TMCC1: variants seen among roughly 807,000 people sequenced by gnomAD.
TMCC1 encodes transmembrane and coiled-coil domains protein 1.
In TMCC1, 15 loss-of-function variants were observed where a neutral mutation model predicts 52.4. The ratio of observed to expected loss-of-function variants is 0.29; its 90% CI spans 0.19 to 0.44. TMCC1 has a LOEUF of 0.44. TMCC1 is among the 20% of genes least tolerant of loss of function. The probability of loss-of-function intolerance (pLI) is 1.00; values close to 1 mark genes in which losing one functional copy is unlikely to be tolerated. For missense variants in TMCC1, 503 were observed against 806.0 expected (o/e 0.62, Z 4.55); for synonymous variants, 279 against 301.9 (o/e 0.92, Z 0.79).
intron 4 of TMCC1, among the ~76,000 whole-genome samples, chr3:129,700,372 T>C (rs1272457710): frequency 6.6e-6 from 1 of 152,258 alleles, no homozygotes; most frequent in Non-Finnish European, 1.5e-5. Context: ...AACCTAATAC[T>C]AGTCATCTTT....
intron 4 of TMCC1, among the ~76,000 whole-genome samples, chr3:129,775,253 TG>T (rs1260653306): frequency 6.6e-6 from 1 of 152,124 alleles, no homozygotes; most frequent in African/African-American, 2.4e-5. Flanking sequence ...GAGACCTGCC[TG>T]GGCAACAAAG....
chr3:129,659,043 T>C (rs1056772048), intron 5 of TMCC1, among the ~76,000 whole-genome samples: 2 of 152,046 alleles, frequency 1.3e-5, no homozygotes, highest in Middle Eastern at 3.4e-3. Flanking sequence ...TTCTAACACC[T>C]AGAGTTTGAT....
chr3:129,834,518 A>T (rs1414447907), intron 2 of TMCC1, among the ~76,000 whole-genome samples: 1 of 152,216 alleles, frequency 6.6e-6, no homozygotes, highest in Non-Finnish European at 1.5e-5. Context: ...TACTGACTAA[A>T]ATTTTGACTT....
chr3:129,730,645 C>T (rs910125137), intron 4 of TMCC1, among the ~76,000 whole-genome samples: 1 of 152,058 alleles, frequency 6.6e-6, no homozygotes. Flanking sequence ...AGTTCTTTTG[C>T]CTTTCGATAT....
chr3:129,814,784 G>A (rs1460767788), intron 4 of TMCC1, among the ~76,000 whole-genome samples: 2 of 152,020 alleles, frequency 1.3e-5, no homozygotes, highest in African/African-American at 2.4e-5. Context: ...ATTACAAATC[G>A]AAGACTATAG....
chr3:129,847,543 T>G (rs936285930), intron 2 of TMCC1: 3 of 152,224 alleles, frequency 2.0e-5, no homozygotes, highest in African/African-American at 7.2e-5. Context: ...TTCCATTGTA[T>G]AAATACACCA....
intron 5 of TMCC1, among the ~76,000 whole-genome samples, chr3:129,655,826 G>A (rs182647100): frequency 5.1e-4 from 78 of 152,266 alleles, no homozygotes; most frequent in African/African-American, 1.8e-3. Context: ...GCCGGTGATC[G>A]CCTGCCTTGG....
At chr3:129,761,507 C>T (rs1422366926) in intron 4 of TMCC1, among the ~76,000 whole-genome samples, 1 of 151,778 alleles carries the variant, frequency 6.6e-6, no homozygotes, top group East Asian at 1.9e-4. Flanking sequence ...TTTCTGGGCT[C>T]GATTTAGTTT....
intron 4 of TMCC1, among the ~76,000 whole-genome samples, chr3:129,771,516 TG>T (rs1386862308): frequency 6.6e-6 from 1 of 151,962 alleles, no homozygotes; most frequent in African/African-American, 2.4e-5. Context: ...TGCTCACACA[TG>T]TAATCCCAGC....
At position 129,651,894 on chromosome 3, in the gene TMCC1, C is replaced by CTTG; in HGVS notation, c.1648-100_1648-99insCAA. 1 of 1,262,204 alleles carries CTTG rather than the reference C, an allele frequency of 7.9e-7. No homozygotes were observed. Among genetic ancestry groups the CTTG allele is most frequent in the Non-Finnish European group, 1.1e-6 (1 of 930,274 alleles). 78.2% of individuals were successfully genotyped at this position (1,262,204 alleles called of 1,614,324 possible). ...AAGCCAGATGCATCTTGAGCAATGC[C>CTTG]AATGATTTTATAAATATGCTGGAGC... On this transcript the variant is annotated intron_variant, in intron 6 of 6. Coordinates refer to ENST00000393238, the MANE Select transcript of TMCC1 (RefSeq NM_001017395.5). This position sits in a 1 kb window ranked among gnomAD's most constrained non-coding sequence, Gnocchi z 5.1.
At chr3:129,682,146 G>C (rs1380145154) in intron 4 of TMCC1, among the ~76,000 whole-genome samples, 1 of 151,738 alleles carries the variant, frequency 6.6e-6, no homozygotes, top group African/African-American at 2.4e-5. Flanking sequence ...TTAGAGATAG[G>C]GTCTTGCTAT....
intron 4 of TMCC1, among the ~76,000 whole-genome samples, chr3:129,712,099 C>T (rs1204309577): frequency 6.6e-5 from 10 of 150,952 alleles, no homozygotes; most frequent in Non-Finnish European, 1.5e-4. Context: ...ATCACTTGAA[C>T]CCGGGAGGTG....
intron 4 of TMCC1, among the ~76,000 whole-genome samples, chr3:129,730,271 TGTG>T (rs941326236): frequency 6.6e-6 from 1 of 152,178 alleles, no homozygotes; most frequent in Non-Finnish European, 1.5e-5. Flanking sequence ...AAAAATTTCC[TGTG>T]TTGTTCTAAA....
At chr3:129,762,291 C>T (rs765313009) in intron 4 of TMCC1, among the ~76,000 whole-genome samples, 2 of 152,046 alleles carry the variant, frequency 1.3e-5, no homozygotes, top group Non-Finnish European at 2.9e-5. Context: ...CTACCCGCCT[C>T]GGTTTCCCAA....
chr3:129,833,892 C>T (rs1466487713), intron 2 of TMCC1, among the ~76,000 whole-genome samples: 3 of 151,998 alleles, frequency 2.0e-5, no homozygotes, highest in Non-Finnish European at 4.4e-5. Context: ...ATGGGTATTA[C>T]CAGAGAAGCA....
chr3:129,718,404 A>G (rs1309403667), intron 4 of TMCC1, among the ~76,000 whole-genome samples: 8 of 152,230 alleles, frequency 5.3e-5, no homozygotes, highest in African/African-American at 1.9e-4. Context: ...CTGAGTGACC[A>G]GTTCCTCTCT....
Position 129,667,256 on chromosome 3 carries a change from T to C in TMCC1, c.1511+3074A>G, listed in dbSNP as rs1216653648. On this transcript the variant is annotated intron_variant, in intron 5 of 6. Transcript: ENST00000393238. ...AAAAAAAAAAAAAGACTTCAATTTGTAGAAAAATTTTATTTATGTGAAAGC... is the reference window on the plus strand; with the variant it reads ...AAAAAAAAAAAAAGACTTCAATTTGCAGAAAAATTTTATTTATGTGAAAGC... Among the ~76,000 whole-genome samples, 3 of 148,832 alleles carry C rather than the reference T, an allele frequency of 2.0e-5. No homozygotes were observed. In the South Asian group the frequency reaches 6.4e-4, roughly 32 times the overall value.
chr3:129,729,800 G>A (rs1004586041), intron 4 of TMCC1, among the ~76,000 whole-genome samples: 13 of 151,474 alleles, frequency 8.6e-5, no homozygotes, highest in Middle Eastern at 3.5e-3. Context: ...ATCACCTAAC[G>A]CAAAGCCTAT....
At chr3:129,787,292 T>A (rs2056107806) in intron 4 of TMCC1, among the ~76,000 whole-genome samples, 1 of 152,200 alleles carries the variant, frequency 6.6e-6, no homozygotes, top group South Asian at 2.1e-4. Context: ...AAATTTTTTT[T>A]ATTATACATG....
Sources: gnomAD v4.1 joint callset for allele counts (sites outside exome capture counted in the v4.1 genomes callset) on GRCh38, gnomAD v4.1.1 for gene constraint, Gnocchi (gnomAD v3.1) non-coding constraint, MANE v1.5 for transcripts, NCBI Gene and HGNC (gene_info 2026-07-23, HGNC 2026-07-21) for gene names.